The following TTLL4 variants were observed in gnomAD, a reference collection of about 807,000 sequenced individuals.
The protein encoded by TTLL4 is tubulin tyrosine ligase like 4.
In TTLL4, 85 loss-of-function variants were observed where a neutral mutation model predicts 122.7. The observed-to-expected ratio is 0.69, with a 90% CI of 0.58 to 0.83. The LOEUF is 0.83. Ranked by LOEUF, TTLL4 falls within the 40% of genes least tolerant of loss-of-function variation. TTLL4 has a pLI of 0.00. For missense variants in TTLL4, 1,363 were observed against 1,488.6 expected, an observed-to-expected ratio of 0.92 and a Z score of 1.39; for synonymous variants, 553 against 563.0, an observed-to-expected ratio of 0.98 and a Z score of 0.25.
chr2:218,747,056 G>C lies in TTLL4; in HGVS notation c.2028G>C (p.Arg676=), dbSNP rs1323709340. The change falls in exon 9 of 20, where the codon CGG becomes CGC. Residue 676 remains arginine (R), a synonymous_variant. Coordinates refer to ENST00000392102, the MANE Select transcript of TTLL4 (RefSeq NM_014640.5). The surrounding 1 kb of genome is among the most constrained non-coding windows in gnomAD (Gnocchi z 4.7). ...TTGGGAGGAAGGACCGGCTATGGCG[G>C]AACCTGTCACGTATGCAGAGCCGCT... ...FQIGRKDRLW[R]NLSRMQSRFG... is the part of the protein sequence containing the mutation. 1 of 1,614,218 alleles carries C rather than the reference G, an allele frequency of 6.2e-7. No individual in the cohort carries two copies. Among genetic ancestry groups the C allele is most frequent in the African/African-American group, 1.3e-5 (1 of 75,060 alleles).
intron 15 of TTLL4, among the ~76,000 whole-genome samples, chr2:218,750,835 A>T (rs1942996108): frequency 6.6e-6 from 1 of 151,922 alleles, no homozygotes; most frequent in South Asian, 2.1e-4. Context: ...AGCCTAGCTC[A>T]TACACCTTCA....
intron 17 of TTLL4, 44 bp from the exon 18 acceptor site, chr2:218,753,071 G>A: frequency 6.2e-7 from 1 of 1,613,630 alleles, no homozygotes. Flanking sequence ...TTGGCCAATT[G>A]ATTCTACCTT....
intron 2 of TTLL4, 24 bp downstream of exon 2, chr2:218,727,371 C>T (rs1942225805): frequency 6.6e-6 from 1 of 152,026 alleles, no homozygotes; most frequent in Non-Finnish European, 1.5e-5. Context: ...TTTCTCAGTT[C>T]TAAGATTTGT....
Position 218,738,317 on chromosome 2 carries a change from A to G in TTLL4, c.641A>G (p.Lys214Arg). The change falls in exon 3 of 20, where the codon AAG (lysine) becomes AGG (arginine). Residue 214 changes from lysine to arginine, a missense_variant. Coordinates refer to ENST00000392102, the MANE Select transcript of TTLL4 (RefSeq NM_014640.5). ...CCATCTCCACTCTCTTCCTCCTATA[A>G]GCCCATGCTGAATAATAATTCCTTC... ...KIPSPLSSSYKPMLNNNSFMW... is the reference protein window; with the variant it reads ...KIPSPLSSSYRPMLNNNSFMW... 6.2e-7 allele frequency: 1 copy of G among 1,613,962 alleles called. No individual in the cohort carries two copies. Among genetic ancestry groups the G allele is most frequent in the Non-Finnish European group, 8.5e-7 (1 of 1,179,946 alleles).
Position 218,747,726 on chromosome 2 carries a change from G to A in TTLL4, c.2378+1G>A. 1.2e-6 allele frequency: 2 copies of A among 1,614,230 alleles called. No individual in the cohort carries two copies. The highest frequency in any genetic ancestry group is 2.2e-5 in the East Asian group (1 of 44,884). ...GACTGGTCCGCTTTGCCAGTTGCAA[G>A]TATGTGACAGTGGTGAGGTATCCTC... On this transcript the variant is annotated splice_donor_variant, in intron 11 of 19. Transcript: ENST00000392102. LOFTEE classifies it high-confidence loss of function. The surrounding 1 kb of genome is among the most constrained non-coding windows in gnomAD (Gnocchi z 4.7).
Position 218,747,964 on chromosome 2 carries a change from G to A in TTLL4, c.2379-141G>A. On this transcript the variant is annotated intron_variant, in intron 11 of 19. Coordinates refer to ENST00000392102, the MANE Select transcript of TTLL4 (RefSeq NM_014640.5). This position sits in a 1 kb window ranked among gnomAD's most constrained non-coding sequence, Gnocchi z 4.7. ...GTGGTTTTTCAGAACTTTGCCAGTA[G>A]ACACACTTCTCAGGCTCTTGTGGCT... 1 of 1,267,184 alleles carries A rather than the reference G, an allele frequency of 7.9e-7. No homozygotes were observed. The highest frequency in any genetic ancestry group is 1.5e-5 in the African/African-American group (1 of 67,394). 78.5% of individuals were successfully genotyped at this position (1,267,184 alleles called of 1,614,324 possible).
At chr2:218,713,498 T>G (rs964242525) in intron 1 of TTLL4, among the ~76,000 whole-genome samples, 5 of 152,152 alleles carry the variant, frequency 3.3e-5, no homozygotes, top group African/African-American at 4.8e-5. Flanking sequence ...CAGGCTGGTC[T>G]CAAATTCCTG....
chr2:218,745,874 T>G, intron 7 of TTLL4, 73 bp downstream of exon 7: 12 of 1,371,262 alleles, frequency 8.8e-6, no homozygotes, highest in Non-Finnish European at 1.1e-5. Flanking sequence ...GGGAGAGCTC[T>G]AGACACCTCG....
In TTLL4 at chr2:218,749,406, A is replaced by T. The variant is rs368568381; in HGVS notation, c.2735+19A>T. On this transcript the variant is annotated intron_variant, in intron 14 of 19. Coordinates refer to ENST00000392102, the MANE Select transcript of TTLL4 (RefSeq NM_014640.5). ...CCCCAAGGTAGGTGGTATTCTCAGGACACTCACCATAGAATCCTTCCATTA... is the reference window on the plus strand; with the variant it reads ...CCCCAAGGTAGGTGGTATTCTCAGGTCACTCACCATAGAATCCTTCCATTA... 3.5e-5 allele frequency: 57 copies of T among 1,613,602 alleles called. No homozygotes were observed. Among genetic ancestry groups the T allele is most frequent in the Non-Finnish European group, 4.7e-5 (56 of 1,179,936 alleles).
At chr2:218,711,998 C>T (rs923947722) in intron 1 of TTLL4, among the ~76,000 whole-genome samples, 3 of 151,914 alleles carry the variant, frequency 2.0e-5, no homozygotes, top group African/African-American at 7.2e-5. Flanking sequence ...TTAAACCACC[C>T]ACTTTGTGCT....
chr2:218,745,965 C>A, intron 7 of TTLL4, 164 bp downstream of exon 7: 1 of 874,068 alleles, frequency 1.1e-6, no homozygotes, highest in Non-Finnish European at 1.9e-6. Context: ...TGGACTGAGC[C>A]TGTTGTTCAG....
chr2:218,734,686 A>C (rs1335890116), intron 2 of TTLL4, among the ~76,000 whole-genome samples: 1 of 152,064 alleles, frequency 6.6e-6, no homozygotes, highest in Non-Finnish European at 1.5e-5. Context: ...CTGAGTTTTC[A>C]TTTCCCTAGG....
intron 15 of TTLL4, among the ~76,000 whole-genome samples, chr2:218,750,950 T>G (rs1313439829): frequency 3.9e-5 from 6 of 151,976 alleles, no homozygotes; most frequent in Admixed American, 3.9e-4. Flanking sequence ...GTACCTGAGA[T>G]GTGTGAGGAA....
intron 3 of TTLL4, 65 bp from the exon 4 acceptor site, chr2:218,739,993 T>A: frequency 6.2e-6 from 9 of 1,440,438 alleles, no homozygotes; most frequent in Non-Finnish European, 8.7e-6. Context: ...GATGAAGGAA[T>A]GAGAATCTAA....
chr2:218,756,778 C>G (rs1294248385), downstream of TTLL4, among the ~76,000 whole-genome samples: 4 of 152,108 alleles, frequency 2.6e-5, no homozygotes, highest in African/African-American at 9.7e-5. Context: ...GGCGAGTGTT[C>G]TTGAGACAAG....
At chr2:218,711,289 C>T (rs1289751668) in intron 1 of TTLL4, among the ~76,000 whole-genome samples, 2 of 152,240 alleles carry the variant, frequency 1.3e-5, no homozygotes, top group Non-Finnish European at 2.9e-5. Context: ...TAGTCGGCCT[C>T]GCCTCCGGGT....
chr2:218,738,709 G>T lies in TTLL4; in HGVS notation c.1033G>T (p.Ala345Ser), dbSNP rs138326187. 14 of 1,614,066 alleles carry T rather than the reference G, an allele frequency of 8.7e-6. No individual in the cohort carries two copies. In the Admixed American group the frequency reaches 1.0e-4, roughly 12 times the overall value. ...RFTEAVRKLT[A>S]RGFEKMPRQG... is the part of the protein sequence containing the mutation. ...CACTGAGGCCGTGAGGAAATTGACC[G>T]CAAGAGGCTTTGAGAAGATGCCGAG... Residue 345 changes from alanine to serine, a missense_variant, in exon 3 of 20, where the codon GCA (alanine) becomes TCA (serine). By Grantham distance (99) the Ala-to-Ser change is moderately conservative. Coordinates refer to ENST00000392102, the MANE Select transcript of TTLL4 (RefSeq NM_014640.5).
At chr2:218,731,833 T>A (rs995630447) in intron 2 of TTLL4, among the ~76,000 whole-genome samples, 6 of 152,234 alleles carry the variant, frequency 3.9e-5, no homozygotes, top group Non-Finnish European at 5.9e-5. Context: ...TCATGCAGCC[T>A]GGCTGTGAGG....
At chr2:218,728,814 G>A (rs1049745855) in intron 2 of TTLL4, among the ~76,000 whole-genome samples, 2 of 152,082 alleles carry the variant, frequency 1.3e-5, no homozygotes, top group Admixed American at 6.6e-5. Flanking sequence ...GCTGAATATG[G>A]TAGTCCCACC....
Sources: gnomAD v4.1 joint callset for allele counts (sites outside exome capture counted in the v4.1 genomes callset) on GRCh38, gnomAD v4.1.1 for gene constraint, Gnocchi (gnomAD v3.1) non-coding constraint, MANE v1.5 for transcripts, NCBI Gene and HGNC (gene_info 2026-07-23, HGNC 2026-07-21) for gene names.